CTTNBP2: variants seen among roughly 807,000 people sequenced by gnomAD.
CTTNBP2 encodes the protein cortactin binding protein 2.
In CTTNBP2, 108 loss-of-function variants were observed where a neutral mutation model predicts 156.9. That is an observed-to-expected ratio of 0.69 (90% CI 0.59 to 0.81). CTTNBP2 has a LOEUF of 0.81. Among genes scored for constraint, CTTNBP2 ranks in the 30% least tolerant of loss-of-function variants. CTTNBP2 has a pLI of 0.00. For synonymous variants in CTTNBP2, 767 were observed against 751.8 expected (o/e 1.02, Z -0.33); for missense variants, 1,924 against 2,035.4 (o/e 0.95, Z 1.05).
chr7:117,813,833 T>C (rs1476963728), intron 2 of CTTNBP2, among the ~76,000 whole-genome samples: 7 of 152,230 alleles, frequency 4.6e-5, no homozygotes, highest in Non-Finnish European at 1.0e-4. Context: ...TGCTCTCTGA[T>C]AGAAATCTTT....
intron 3 of CTTNBP2, among the ~76,000 whole-genome samples, chr7:117,794,414 A>T (rs1276331769): frequency 6.6e-6 from 1 of 152,220 alleles, no homozygotes; most frequent in Non-Finnish European, 1.5e-5. Flanking sequence ...GATTATAAAG[A>T]TGTGGATAGG....
intron 2 of CTTNBP2, among the ~76,000 whole-genome samples, chr7:117,811,313 C>T (rs187572615): frequency 1.3e-5 from 2 of 152,122 alleles, no homozygotes; most frequent in Admixed American, 1.3e-4. Flanking sequence ...CACCCCTCCA[C>T]CCCGCCCAAC....
At chr7:117,752,250 C>T (rs1010972107) in intron 12 of CTTNBP2, among the ~76,000 whole-genome samples, 29 of 152,140 alleles carry the variant, frequency 1.9e-4, no homozygotes, top group Admixed American at 5.2e-4. Flanking sequence ...AGGATCCCAT[C>T]CTGGACATTC....
At chr7:117,766,925 A>C in intron 9 of CTTNBP2, 134 bp downstream of exon 9, 1 of 632,776 alleles carries the variant, frequency 1.6e-6, no homozygotes. Context: ...ACTTACAGTC[A>C]GTATTTTTGC....
At chr7:117,737,242 A>T (rs893869067) in intron 14 of CTTNBP2, among the ~76,000 whole-genome samples, 2 of 152,200 alleles carry the variant, frequency 1.3e-5, no homozygotes, top group Non-Finnish European at 2.9e-5. Context: ...GTATTGTGGA[A>T]GTATGAGAAA....
intron 3 of CTTNBP2, among the ~76,000 whole-genome samples, chr7:117,793,763 T>A (rs1799165621): frequency 6.6e-6 from 1 of 152,184 alleles, no homozygotes; most frequent in Non-Finnish European, 1.5e-5. Context: ...CAGAGTGAAA[T>A]CATTTTTCTA....
intron 14 of CTTNBP2, among the ~76,000 whole-genome samples, chr7:117,745,224 G>A (rs34329593): frequency 0.048 from 7,320 of 152,174 alleles, 558 homozygotes; most frequent in African/African-American, 0.17. Context: ...CCATAGCTGT[G>A]GCAAATTACT....
chr7:117,791,548 G>T lies in CTTNBP2; in HGVS notation c.1648C>A (p.Pro550Thr), dbSNP rs770082714. The T allele has an allele frequency of 6.2e-7, 1 of 1,614,178 alleles. No homozygotes were observed. The change falls in exon 4 of 23, where the codon CCA becomes ACA. Residue 550 changes from proline (P) to threonine (T), a missense_variant. Transcript: ENST00000160373. Reference sequence around the variant, plus strand: ...GGAGAAGGAGTTTGGGAGAGCCCTGGCTTTTTTGGAGGGATAGGAGGAGGA... The same window carrying T: ...GGAGAAGGAGTTTGGGAGAGCCCTGTCTTTTTTGGAGGGATAGGAGGAGGA... Reference protein sequence around the residue: ...GNPPPIPPKKPGLSQTPSPPH... With the variant: ...GNPPPIPPKKTGLSQTPSPPH...
intron 3 of CTTNBP2, among the ~76,000 whole-genome samples, chr7:117,802,591 T>C (rs1799694967): frequency 1.3e-5 from 2 of 151,936 alleles, no homozygotes; most frequent in African/African-American, 4.8e-5. Context: ...AAACACTCAA[T>C]GAGTAAACAC....
chr7:117,851,136 T>TCA (rs1440762571), intron 2 of CTTNBP2, among the ~76,000 whole-genome samples: 1 of 152,038 alleles, frequency 6.6e-6, no homozygotes, highest in Non-Finnish European at 1.5e-5. Context: ...AGCATGGTGG[T>TCA]ACACACCTGC....
intron 1 of CTTNBP2, among the ~76,000 whole-genome samples, chr7:117,864,042 T>C (rs1352523227): frequency 6.6e-6 from 1 of 152,172 alleles, no homozygotes; most frequent in African/African-American, 2.4e-5. Context: ...AAGTGCTCCA[T>C]TTTAAAAACT....
intron 2 of CTTNBP2, among the ~76,000 whole-genome samples, chr7:117,836,292 C>T (rs750853666): frequency 2.9e-4 from 44 of 152,246 alleles, no homozygotes; most frequent in African/African-American, 8.4e-4. Context: ...TGGCTGGGAG[C>T]GGTGGCTCAC....
intron 9 of CTTNBP2, among the ~76,000 whole-genome samples, chr7:117,766,605 G>A (rs986846179): frequency 6.6e-6 from 1 of 152,126 alleles, no homozygotes; most frequent in Non-Finnish European, 1.5e-5. Flanking sequence ...ATGCTGAGGA[G>A]CATATACTCG....
chr7:117,852,299 A>C (rs1410463138), intron 2 of CTTNBP2, among the ~76,000 whole-genome samples: 1 of 139,698 alleles, frequency 7.2e-6, no homozygotes, highest in Non-Finnish European at 1.6e-5. Flanking sequence ...ATACAAAACC[A>C]AAAAAAAAAA....
chr7:117,836,566 AAAAC>A (rs1695981242), intron 2 of CTTNBP2, among the ~76,000 whole-genome samples: 1 of 152,204 alleles, frequency 6.6e-6, no homozygotes, highest in African/African-American at 2.4e-5. Context: ...CTGTCTCAAA[AAAAC>A]AAAACAAAAC....
intron 12 of CTTNBP2, among the ~76,000 whole-genome samples, chr7:117,753,216 C>T (rs1350311847): frequency 6.6e-6 from 1 of 152,104 alleles, no homozygotes; most frequent in Non-Finnish European, 1.5e-5. Flanking sequence ...CCATCTCACG[C>T]CAGTCAGAAT....
chr7:117,836,202 T>TAAATTGAG (rs1274551409), intron 2 of CTTNBP2, among the ~76,000 whole-genome samples: 1 of 152,168 alleles, frequency 6.6e-6, no homozygotes, highest in Non-Finnish European at 1.5e-5. Flanking sequence ...CTTGGATTAG[T>TAAATTGAG]AAATTGAGAA....
intron 4 of CTTNBP2, chr7:117,786,461 CA>C: frequency 2.3e-6 from 1 of 435,352 alleles, no homozygotes. Flanking sequence ...AACAGGCCCA[CA>C]AAAATTAAAT....
intron 14 of CTTNBP2, among the ~76,000 whole-genome samples, chr7:117,743,846 TATCAGAAAAA>T (rs1307332709): frequency 6.6e-6 from 1 of 150,830 alleles, no homozygotes; most frequent in African/African-American, 2.4e-5. Flanking sequence ...TTAGTAACAT[TATCAGAAAAA>T]ACAGCTTTCT....
Sources: allele counts gnomAD v4.1 joint callset (sites outside exome capture counted in the v4.1 genomes callset), GRCh38; gene constraint gnomAD v4.1.1; transcripts MANE v1.5; gene names NCBI Gene and HGNC (gene_info 2026-07-23, HGNC 2026-07-21).